TMEM132D: variants seen among roughly 807,000 people sequenced by gnomAD.
TMEM132D encodes the protein transmembrane protein 132D.
A neutral mutation model predicts 62.3 loss-of-function variants in TMEM132D; 21 were observed. The observed-to-expected ratio is 0.34, with a 90% CI of 0.24 to 0.49. The LOEUF (loss-of-function observed/expected upper bound fraction) is 0.49, where lower values mean the gene tolerates loss of function less well. Ranked by LOEUF, TMEM132D falls within the 20% of genes least tolerant of loss-of-function variation. TMEM132D has a pLI of 0.99. For synonymous variants in TMEM132D, 621 were observed against 575.6 expected (o/e 1.08, Z -1.13); for missense variants, 1,346 against 1,402.8 (o/e 0.96, Z 0.65).
At position 129,073,608 on chromosome 12, in the gene TMEM132D, T is replaced by C. The variant is rs1805864991; in HGVS notation, c.*267A>G. 1 of 369,484 alleles carries C rather than the reference T, an allele frequency of 2.7e-6. No individual in the cohort carries two copies. Among genetic ancestry groups the C allele is most frequent in the Admixed American group, 4.2e-5 (1 of 23,928 alleles). The allele number at this position is 369,484 out of a possible 1,614,324, so 22.9% of individuals were successfully genotyped here. ...TTCCTGGACGCTCTCAGACGCTCAG[T>C]GATTCAGAACTCGTTTTTGTTTCAA... On this transcript the variant is annotated 3_prime_UTR_variant, in exon 9 of 9. Transcript: ENST00000422113.
intron 2 of TMEM132D, among the ~76,000 whole-genome samples, chr12:129,595,900 C>T (rs755083597): frequency 1.3e-5 from 2 of 152,180 alleles, no homozygotes; most frequent in African/African-American, 2.4e-5. Flanking sequence ...ATGCTGTACA[C>T]GTTTTGTAAA....
At position 129,081,952 on chromosome 12, in the gene TMEM132D, A is replaced by G. The variant is rs748485513; in HGVS notation, c.1730T>C (p.Val577Ala). ...AGCCACAAACTGCGTCAGGACCCGC[A>G]CCATGGCGTGCTGGTACTGCAGGGT... is the stretch of plus-strand genomic sequence containing the variant. ...GCTLQYQHAMVRVLTQFVAEA... is the reference protein window; with the variant it reads ...GCTLQYQHAMARVLTQFVAEA... The change falls in exon 7 of 9, where the codon GTG becomes GCG. Residue 577 changes from valine (V) to alanine (A), a missense_variant. Physicochemically the swap from Val to Ala is moderately conservative, Grantham distance 64 (BLOSUM62 0). Transcript: ENST00000422113. 1 of 1,613,982 alleles carries G rather than the reference A, an allele frequency of 6.2e-7. No individual in the cohort carries two copies. Among genetic ancestry groups the G allele is most frequent in the Non-Finnish European group, 8.5e-7 (1 of 1,180,026 alleles).
At chr12:129,786,565 C>T (rs972115481) in intron 1 of TMEM132D, among the ~76,000 whole-genome samples, 2 of 152,152 alleles carry the variant, frequency 1.3e-5, no homozygotes, top group African/African-American at 2.4e-5. Context: ...TGCTCTTCAT[C>T]CAACTGGATG....
chr12:129,727,824 T>C (rs932903342), intron 1 of TMEM132D, among the ~76,000 whole-genome samples: 9 of 149,380 alleles, frequency 6.0e-5, no homozygotes, highest in African/African-American at 2.2e-4. Flanking sequence ...TACATATATT[T>C]TGAATGATGA....
intron 3 of TMEM132D, among the ~76,000 whole-genome samples, chr12:129,431,032 T>A (rs1411614633): frequency 6.6e-6 from 1 of 152,190 alleles, no homozygotes; most frequent in Non-Finnish European, 1.5e-5. Flanking sequence ...TTGGGTGCAA[T>A]CCCAGAAATT....
chr12:129,556,644 C>A (rs1452811326), intron 2 of TMEM132D, among the ~76,000 whole-genome samples: 1 of 152,166 alleles, frequency 6.6e-6, no homozygotes, highest in Non-Finnish European at 1.5e-5. Flanking sequence ...AGTCCAATAA[C>A]CTAGTTACCT....
chr12:129,533,940 T>C (rs1323244208), intron 2 of TMEM132D, among the ~76,000 whole-genome samples: 2 of 152,316 alleles, frequency 1.3e-5, no homozygotes, highest in Middle Eastern at 3.4e-3. Flanking sequence ...AACTGGATGG[T>C]CATTCTTCGG....
chr12:129,861,757 G>A (rs368750438), intron 1 of TMEM132D, among the ~76,000 whole-genome samples: 1,666 of 132,390 alleles, frequency 0.013, no homozygotes, highest in Non-Finnish European at 0.013. Context: ...CTGTCTCAAA[G>A]AAAAAAAAAA....
chr12:129,310,104 G>A (rs1881937495), intron 4 of TMEM132D, among the ~76,000 whole-genome samples: 1 of 151,880 alleles, frequency 6.6e-6, no homozygotes, highest in African/African-American at 2.4e-5. Flanking sequence ...AAATCTAGAT[G>A]AGGGCTGGCC....
intron 1 of TMEM132D, among the ~76,000 whole-genome samples, chr12:129,775,354 G>A (rs12370333): frequency 2.0e-5 from 3 of 152,010 alleles, no homozygotes; most frequent in Non-Finnish European, 2.9e-5. Flanking sequence ...GACAAGCAGC[G>A]ACCTTGCCCA....
chr12:129,507,756 G>A (rs1159288425), intron 3 of TMEM132D, among the ~76,000 whole-genome samples: 1 of 152,162 alleles, frequency 6.6e-6, no homozygotes, highest in Admixed American at 6.5e-5. Context: ...ATTGAGTGCA[G>A]TGTATACTGC....
At chr12:129,491,716 T>C (rs1236143589) in intron 3 of TMEM132D, among the ~76,000 whole-genome samples, 1 of 152,090 alleles carries the variant, frequency 6.6e-6, no homozygotes, top group Non-Finnish European at 1.5e-5. Context: ...CCGAGGTGGG[T>C]AGATCACTTG....
chr12:129,692,336 C>A (rs559958271), intron 2 of TMEM132D, among the ~76,000 whole-genome samples: 1 of 152,106 alleles, frequency 6.6e-6, no homozygotes, highest in East Asian at 1.9e-4. Flanking sequence ...GAAGAAAGAT[C>A]GTATGATTAT....
At chr12:129,531,008 A>T in intron 3 of TMEM132D, 51 bp downstream of exon 3, 2 of 1,464,080 alleles carry the variant, frequency 1.4e-6, no homozygotes, top group Non-Finnish European at 9.2e-7. Context: ...AAAAAAAATC[A>T]GGCCACATTT....
intron 3 of TMEM132D, among the ~76,000 whole-genome samples, chr12:129,435,251 C>A (rs531123660): frequency 6.6e-6 from 1 of 152,276 alleles, no homozygotes; most frequent in Non-Finnish European, 1.5e-5. Context: ...CATATCTTGG[C>A]TATTGTGAAT....
intron 1 of TMEM132D, among the ~76,000 whole-genome samples, chr12:129,808,356 G>A (rs114735366): frequency 0.015 from 2,321 of 152,176 alleles, 65 homozygotes; most frequent in African/African-American, 0.05. Context: ...AAACACTCTC[G>A]GGTTGGTTCA....
intron 4 of TMEM132D, among the ~76,000 whole-genome samples, chr12:129,295,619 T>C (rs1881556149): frequency 6.6e-6 from 1 of 151,834 alleles, no homozygotes; most frequent in Non-Finnish European, 1.5e-5. Flanking sequence ...TTCTTTATAA[T>C]AATTAGTTTT....
At chr12:129,835,740 G>T (rs888730868) in intron 1 of TMEM132D, among the ~76,000 whole-genome samples, 1 of 152,174 alleles carries the variant, frequency 6.6e-6, no homozygotes, top group African/African-American at 2.4e-5. Flanking sequence ...TAATACTCAC[G>T]CGCCTTCCCA....
chr12:129,844,949 C>T (rs572628578), intron 1 of TMEM132D, among the ~76,000 whole-genome samples: 1 of 152,214 alleles, frequency 6.6e-6, no homozygotes, highest in Admixed American at 6.5e-5. Context: ...TGATTATGCT[C>T]TATAATCAGC....
Sources: allele counts gnomAD v4.1 joint callset (sites outside exome capture counted in the v4.1 genomes callset), GRCh38; gene constraint gnomAD v4.1.1; transcripts MANE v1.5; gene names NCBI Gene and HGNC (gene_info 2026-07-23, HGNC 2026-07-21).